RACGAP1: variants seen among roughly 807,000 people sequenced by gnomAD.
RACGAP1 encodes the protein Rac GTPase activating protein 1, also known as rac GTPase-activating protein 1.
A neutral mutation model predicts 78.1 loss-of-function variants in RACGAP1; 30 were observed. The ratio of observed to expected loss-of-function variants is 0.38; its 90% confidence interval spans 0.29 to 0.52. RACGAP1 has a LOEUF of 0.52. Ranked by LOEUF, RACGAP1 falls within the 20% of genes least tolerant of loss-of-function variation. The pLI is 0.82. For missense variants in RACGAP1, 587 were observed against 777.1 expected (o/e 0.76, Z 2.91); for synonymous variants, 231 against 264.8 (o/e 0.87, Z 1.24).
chr12:50,006,367 G>A, intron 3 of RACGAP1, 67 bp downstream of exon 3: 1 of 1,560,384 alleles, frequency 6.4e-7, no homozygotes, highest in African/African-American at 1.4e-5. Flanking sequence ...TTGGCAAGTG[G>A]AAACTGTCAG....
chr12:50,019,005 C>T (rs542532188), intron 1 of RACGAP1, among the ~76,000 whole-genome samples: 68 of 152,214 alleles, frequency 4.5e-4, no homozygotes, highest in African/African-American at 1.3e-3. Flanking sequence ...CCATCAACTA[C>T]GCTACTCACT....
chr12:50,019,823 A>G (rs574548461), intron 1 of RACGAP1: 3 of 152,296 alleles, frequency 2.0e-5, no homozygotes, highest in African/African-American at 7.2e-5. Context: ...AGTGAAAACA[A>G]TAACACTTGC....
At chr12:50,031,239 G>A (rs1414387446) in intron 2 of RACGAP1, among the ~76,000 whole-genome samples, 4 of 151,512 alleles carry the variant, frequency 2.6e-5, no homozygotes, top group Admixed American at 1.3e-4. Flanking sequence ...CACTTTGGGA[G>A]GCTGAGGCAG....
Position 50,000,018 on chromosome 12 carries a change from A to ATGTTTTTTTTTTTTTTTTTTTT in RACGAP1, c.631-286_631-285insAAAAAAAAAAAAAAAAAAAACA, listed in dbSNP as rs1555172403. The stretch of plus-strand genomic sequence containing the variant: ...AAGCATGCGCCACCACACCTGACTG[A>ATGTTTTTTTTTTTTTTTTTTTT]TTTTTTTTTTTTTGAGACGGAGTCT... On this transcript the variant is annotated intron_variant, in intron 7 of 16. Coordinates refer to ENST00000312377, the MANE Select transcript of RACGAP1 (RefSeq NM_001319999.2). Among the ~76,000 whole-genome samples, 4 of 99,642 alleles carry ATGTTTTTTTTTTTTTTTTTTTT rather than the reference A, an allele frequency of 4.0e-5. 1 individual carries two copies. The highest frequency in any genetic ancestry group is 7.6e-5 in the African/African-American group (2 of 26,398). The allele number at this position is 99,642 out of a possible 152,430, so 65.4% of individuals were successfully genotyped here.
intron 1 of RACGAP1, among the ~76,000 whole-genome samples, chr12:50,021,610 T>C (rs1343792620): frequency 6.6e-6 from 1 of 152,190 alleles, no homozygotes; most frequent in African/African-American, 2.4e-5. Flanking sequence ...TTCCTCCTCC[T>C]TCAAACAACA....
chr12:49,999,731 C>T lies in RACGAP1; in HGVS notation c.633G>A (p.Gly211=). Reference sequence around the variant, plus strand: ...TAGTTTTTGCAACTATGGATTCATTCCCCTGCAACAAAAGTAGTAATGAGG... The same window carrying T: ...TAGTTTTTGCAACTATGGATTCATTTCCCTGCAACAAAAGTAGTAATGAGG... ...TRSIGSAVDQ[G]NESIVAKTTV... is the part of the protein sequence containing the mutation. Residue 211 remains glycine (G), a splice_region_variant and synonymous_variant, in exon 8 of 17, where the codon GGG becomes GGA. Coordinates refer to ENST00000312377, the MANE Select transcript of RACGAP1 (RefSeq NM_001319999.2). The T allele has an allele frequency of 6.2e-7, 1 of 1,606,366 alleles. No homozygotes were observed. Among genetic ancestry groups the T allele is most frequent in the South Asian group, 1.1e-5 (1 of 90,912 alleles).
At chr12:50,006,734 T>C in intron 2 of RACGAP1, 98 bp from the exon 3 acceptor site, 1 of 1,248,842 alleles carries the variant, frequency 8.0e-7, no homozygotes, top group South Asian at 1.3e-5. Flanking sequence ...AAATTCATAA[T>C]TAAGGAACCA....
At chr12:50,004,790 A>G (rs1948876727) in intron 4 of RACGAP1, among the ~76,000 whole-genome samples, 1 of 152,166 alleles carries the variant, frequency 6.6e-6, no homozygotes, top group Non-Finnish European at 1.5e-5. Flanking sequence ...TTCCCTACAT[A>G]TTGTACTGGG....
intron 10 of RACGAP1, among the ~76,000 whole-genome samples, chr12:49,995,076 C>T (rs1008530124): frequency 9.9e-5 from 15 of 152,044 alleles, no homozygotes; most frequent in African/African-American, 2.9e-4. Flanking sequence ...CGGCCAGGTG[C>T]GGTAGCTCAC....
chr12:50,016,747 G>A (rs768516470), intron 1 of RACGAP1, 28 bp from the exon 2 acceptor site: 1 of 1,605,072 alleles, frequency 6.2e-7, no homozygotes, highest in African/African-American at 1.3e-5. Context: ...ATACATTAGG[G>A]GTCCTGCCTT....
intron 1 of RACGAP1, among the ~76,000 whole-genome samples, chr12:50,023,123 T>C (rs1181136795): frequency 6.6e-6 from 1 of 152,240 alleles, no homozygotes; most frequent in Non-Finnish European, 1.5e-5. Flanking sequence ...GGTAAATGAC[T>C]AATAAATATT....
chr12:50,029,215 CAA>C (rs1223077511), upstream of RACGAP1, among the ~76,000 whole-genome samples: 292 of 72,642 alleles, frequency 4.0e-3, 1 homozygote, highest in African/African-American at 0.012. Context: ...GACTCCATCT[CAA>C]AAAAAAAAAA....
At chr12:50,025,617 G>A, upstream of RACGAP1, 1 of 914,630 alleles carries the variant, frequency 1.1e-6, no homozygotes, top group Non-Finnish European at 1.3e-6. Flanking sequence ...CTGACAAAGC[G>A]AAGCCAAAGG....
At chr12:50,008,897 A>T (rs1486175042) in intron 2 of RACGAP1, among the ~76,000 whole-genome samples, 2 of 152,182 alleles carry the variant, frequency 1.3e-5, no homozygotes, top group African/African-American at 4.8e-5. Flanking sequence ...GATGTTGAAG[A>T]CCAATAATCA....
chr12:50,027,497 C>A (rs1293529722), upstream of RACGAP1, among the ~76,000 whole-genome samples: 1 of 152,104 alleles, frequency 6.6e-6, no homozygotes, highest in Non-Finnish European at 1.5e-5. Flanking sequence ...ATAGGAAGAT[C>A]ATGTGACCTC....
chr12:50,031,267 A>G (rs1950330785), intron 2 of RACGAP1, among the ~76,000 whole-genome samples: 1 of 150,418 alleles, frequency 6.6e-6, no homozygotes. Context: ...ATTTGAGGTC[A>G]GGAGTTCAAG....
Position 49,994,287 on chromosome 12 carries a change from C to T in RACGAP1, c.1183G>A (p.Glu395Lys). 6.2e-7 allele frequency: 1 copy of T among 1,614,200 alleles called. No individual in the cohort carries two copies. Among genetic ancestry groups the T allele is most frequent in the Non-Finnish European group, 8.5e-7 (1 of 1,180,040 alleles). The change falls in exon 12 of 17, where the codon GAG becomes AAG. Residue 395 changes from glutamate (E) to lysine (K), a missense_variant. By Grantham distance (56) the Glu-to-Lys change is moderately conservative (BLOSUM62 1). Coordinates refer to ENST00000312377, the MANE Select transcript of RACGAP1 (RefSeq NM_001319999.2). ...ACTCTGAGGAATTTCTCTTTCAGCT[C>T]TTTTACTGTGCGGTCACAGCCAGAG... ...RISGCDRTVK[E>K]LKEKFLRVKT...
intron 2 of RACGAP1, among the ~76,000 whole-genome samples, chr12:50,030,924 C>T (rs548914616): frequency 8.6e-5 from 13 of 150,872 alleles, no homozygotes; most frequent in South Asian, 2.1e-4. Context: ...GGATTACAGG[C>T]GCCCACCACC....
At chr12:50,015,807 TA>T (rs923978797) in intron 2 of RACGAP1, among the ~76,000 whole-genome samples, 23 of 138,378 alleles carry the variant, frequency 1.7e-4, no homozygotes, top group Non-Finnish European at 2.4e-4. Context: ...ATCTCAAAAA[TA>T]AAAAAAAAAT....
Sources: gnomAD v4.1 joint callset for allele counts (sites outside exome capture counted in the v4.1 genomes callset) on GRCh38, gnomAD v4.1.1 for gene constraint, MANE v1.5 for transcripts, NCBI Gene and HGNC (gene_info 2026-07-23, HGNC 2026-07-21) for gene names.